Variants in NCK1 observed in about 807,000 individuals in gnomAD.
NCK1 encodes SH2/SH3 adapter protein NCK1.
In NCK1, 19 loss-of-function variants were observed where a neutral mutation model predicts 36.6. The ratio of observed to expected loss-of-function variants is 0.52; its 90% CI spans 0.36 to 0.76. The LOEUF (loss-of-function observed/expected upper bound fraction) is 0.76. Ranked by LOEUF, NCK1 falls within the 30% of genes least tolerant of loss-of-function variation. The pLI is 0.00. For missense variants in NCK1, 358 were observed against 445.6 expected, an observed-to-expected ratio of 0.80 and a Z score of 1.77; for synonymous variants, 165 against 156.0, an observed-to-expected ratio of 1.06 and a Z score of -0.43.
intron 1 of NCK1, among the ~76,000 whole-genome samples, chr3:136,866,431 C>T (rs1339935174): frequency 6.6e-6 from 1 of 151,938 alleles, no homozygotes; most frequent in Non-Finnish European, 1.5e-5. Flanking sequence ...CCTCAGCCTC[C>T]CTAGTAGCTG....
intron 1 of NCK1, among the ~76,000 whole-genome samples, chr3:136,890,192 G>T (rs879825525): frequency 3.9e-5 from 6 of 152,198 alleles, no homozygotes; most frequent in Non-Finnish European, 5.9e-5. Context: ...GCGCTGGTGG[G>T]CTGGCATTGC....
At chr3:136,913,769 C>T (rs553543571) in intron 1 of NCK1, among the ~76,000 whole-genome samples, 49 of 152,224 alleles carry the variant, frequency 3.2e-4, no homozygotes, top group African/African-American at 1.1e-3. Context: ...CCCGGGTTCA[C>T]GCCATTCTCC....
chr3:136,915,978 G>C (rs752305358), intron 1 of NCK1, among the ~76,000 whole-genome samples: 2 of 152,022 alleles, frequency 1.3e-5, no homozygotes, highest in Non-Finnish European at 1.5e-5. Flanking sequence ...TGCCCACCTC[G>C]GCCTCCTAAA....
At chr3:136,915,956 G>A (rs1939953907) in intron 1 of NCK1, among the ~76,000 whole-genome samples, 1 of 152,072 alleles carries the variant, frequency 6.6e-6, no homozygotes, top group Non-Finnish European at 1.5e-5. Flanking sequence ...GAACTCCTGA[G>A]CCCGGGTGAT....
chr3:136,933,579 T>A (rs907735889), intron 2 of NCK1, among the ~76,000 whole-genome samples: 9 of 152,236 alleles, frequency 5.9e-5, no homozygotes, highest in African/African-American at 2.2e-4. Flanking sequence ...TTTTTTTTTT[T>A]AATTTAAGCA....
chr3:136,871,984 T>A (rs917451934), intron 1 of NCK1, among the ~76,000 whole-genome samples: 8 of 152,160 alleles, frequency 5.3e-5, no homozygotes, highest in Admixed American at 1.3e-4. Context: ...AATTGCCCAG[T>A]CTCAGGTATG....
chr3:136,928,710 G>GA (rs1940312396), intron 2 of NCK1: 1 of 152,980 alleles, frequency 6.5e-6, no homozygotes, highest in Non-Finnish European at 1.5e-5. Flanking sequence ...TTTCTATTTT[G>GA]TTTCTCTTTT....
At chr3:136,863,297 A>G (rs1235359698) in intron 1 of NCK1, among the ~76,000 whole-genome samples, 1 of 152,202 alleles carries the variant, frequency 6.6e-6, no homozygotes, top group African/African-American at 2.4e-5. Flanking sequence ...CATTTTTAAA[A>G]TTTTACTTTG....
intron 2 of NCK1, among the ~76,000 whole-genome samples, chr3:136,938,679 G>C (rs2108142893): frequency 6.6e-6 from 1 of 152,276 alleles, no homozygotes; most frequent in Admixed American, 6.5e-5. Context: ...TTAGGCATGA[G>C]TTATAGTGAT....
In NCK1 at chr3:136,948,293, G is replaced by A. The variant is rs752399185; in HGVS notation, c.974G>A (p.Gly325Glu). 1.2e-6 allele frequency: 2 copies of A among 1,605,452 alleles called. No individual in the cohort carries two copies. The highest frequency in any genetic ancestry group is 3.4e-5 in the Admixed American group (2 of 59,108). ...NDFSVSLKAQ[G>E]KNKHFKVQLK... ...TTCTCAGTATCACTAAAAGCACAAGGGAAAAACAAGCATTTTAAAGTCCAA... is the reference window on the plus strand; with the variant it reads ...TTCTCAGTATCACTAAAAGCACAAGAGAAAAACAAGCATTTTAAAGTCCAA... The change falls in exon 4 of 4, where the codon GGG becomes GAG. Residue 325 changes from glycine (G) to glutamate (E), a missense_variant. Coordinates refer to ENST00000481752, the MANE Select transcript of NCK1 (RefSeq NM_001291999.2).
At chr3:136,946,343 A>T (rs771088876) in intron 3 of NCK1, 48 bp downstream of exon 3, 32 of 1,447,272 alleles carry the variant, frequency 2.2e-5, no homozygotes, top group East Asian at 1.4e-4. Flanking sequence ...TGGGTATTTT[A>T]AAAAAAAGAG....
At chr3:136,926,161 G>C (rs1940230871) in intron 1 of NCK1, among the ~76,000 whole-genome samples, 1 of 151,806 alleles carries the variant, frequency 6.6e-6, no homozygotes, top group Admixed American at 6.6e-5. Context: ...TCATTTTCTA[G>C]TTGGATTTGT....
intron 1 of NCK1, among the ~76,000 whole-genome samples, chr3:136,920,890 A>G (rs1940092174): frequency 6.6e-6 from 1 of 152,220 alleles, no homozygotes; most frequent in Non-Finnish European, 1.5e-5. Flanking sequence ...AGTTGATTGT[A>G]ATCATATTTT....
intron 1 of NCK1, among the ~76,000 whole-genome samples, chr3:136,923,312 T>G (rs904336363): frequency 2.5e-5 from 2 of 79,968 alleles, no homozygotes; most frequent in Non-Finnish European, 5.7e-5. Context: ...TCCCAGCACT[T>G]TGGGAGGCCG....
intron 1 of NCK1, among the ~76,000 whole-genome samples, chr3:136,876,740 T>G (rs1284247732): frequency 1.3e-5 from 2 of 152,164 alleles, no homozygotes; most frequent in Non-Finnish European, 2.9e-5. Context: ...AGAGTAATAC[T>G]TAGTCAAAGG....
rs1170891945 is a variant in NCK1, at chr3:136,950,247, T to C, written c.*1794T>C. 1.3e-5 allele frequency among the ~76,000 whole-genome samples: 2 copies of C among 152,096 alleles called. No homozygotes were observed. Among genetic ancestry groups the C allele is most frequent in the Admixed American group, 1.3e-4 (2 of 15,264 alleles). ...ATGTTTCTGGGTTTTCCCCCAGTCT[T>C]CCTTATGAAAAAAATGTATGTTTGT... On this transcript the variant is annotated 3_prime_UTR_variant, in exon 4 of 4. Transcript: ENST00000481752.
At chr3:136,866,265 C>T (rs1319163497) in intron 1 of NCK1, among the ~76,000 whole-genome samples, 1 of 151,722 alleles carries the variant, frequency 6.6e-6, no homozygotes, top group African/African-American at 2.4e-5. Context: ...CTTATTTACT[C>T]TTTGTATTTT....
chr3:136,890,813 C>T (rs903290372), intron 1 of NCK1, among the ~76,000 whole-genome samples: 2 of 152,134 alleles, frequency 1.3e-5, no homozygotes, highest in Non-Finnish European at 2.9e-5. Flanking sequence ...ATGCAGCCAT[C>T]ACCACCACCT....
intron 2 of NCK1, among the ~76,000 whole-genome samples, chr3:136,934,782 T>A (rs1325244497): frequency 6.6e-6 from 1 of 152,180 alleles, no homozygotes; most frequent in African/African-American, 2.4e-5. Context: ...TAAACTTGTA[T>A]CTCCTATTAA....
Sources: allele counts gnomAD v4.1 joint callset (sites outside exome capture counted in the v4.1 genomes callset), GRCh38; gene constraint gnomAD v4.1.1; transcripts MANE v1.5; gene names NCBI Gene and HGNC (gene_info 2026-07-23, HGNC 2026-07-21).